Variants in MAF observed in about 807,000 individuals in gnomAD.
MAF encodes transcription factor Maf.
In MAF, 10 loss-of-function variants were observed where a neutral mutation model predicts 22.0. That is an observed-to-expected ratio of 0.45 (90% CI 0.28 to 0.77). The LOEUF is 0.77. Ranked by LOEUF, MAF falls within the 30% of genes least tolerant of loss-of-function variation. The probability of loss-of-function intolerance (pLI) is 0.12; values close to 1 mark genes in which losing one functional copy is unlikely to be tolerated. For synonymous variants in MAF, 337 were observed against 255.8 expected, an observed-to-expected ratio of 1.32 and a Z score of -3.03; for missense variants, 544 against 548.4, an observed-to-expected ratio of 0.99 and a Z score of 0.08.
At chr16:79,249,217 C>T in the MAF span, among the ~76,000 whole-genome samples, 13 of 152,012 alleles carry the variant, frequency 8.6e-5, no homozygotes, top group Non-Finnish European at 1.3e-4. Context: ...GTCGGGAGTT[C>T]GAGACCAGCC....
At chr16:79,341,083 A>C in the MAF span, among the ~76,000 whole-genome samples, 1 of 152,208 alleles carries the variant, frequency 6.6e-6, no homozygotes, top group Non-Finnish European at 1.5e-5. Context: ...GGAAGCAGGA[A>C]GAACCAGGTG....
At chr16:79,450,575 T>A in the MAF span, among the ~76,000 whole-genome samples, 5 of 152,260 alleles carry the variant, frequency 3.3e-5, no homozygotes, top group South Asian at 1.0e-3. Flanking sequence ...CAAGAAGATA[T>A]TGTATTGTGA....
chr16:79,429,930 G>C, the MAF span, among the ~76,000 whole-genome samples: 254 of 152,250 alleles, frequency 1.7e-3, 3 homozygotes, highest in East Asian at 0.033. Flanking sequence ...GAGGGCTACC[G>C]GGTGGAGCAA....
chr16:79,237,888 G>C, the MAF span, among the ~76,000 whole-genome samples: 2 of 152,080 alleles, frequency 1.3e-5, no homozygotes, highest in African/African-American at 4.8e-5. Flanking sequence ...CCCTGGTCTA[G>C]CCAGATGCAC....
chr16:79,265,794 T>A, the MAF span, among the ~76,000 whole-genome samples: 1 of 152,178 alleles, frequency 6.6e-6, no homozygotes, highest in Admixed American at 6.5e-5. Context: ...CTTTGGCATA[T>A]CTGATTGCCA....
At chr16:79,373,827 C>T in the MAF span, among the ~76,000 whole-genome samples, 2 of 152,164 alleles carry the variant, frequency 1.3e-5, no homozygotes, top group African/African-American at 4.8e-5. Context: ...GACTTCTCAG[C>T]CTTCATAACT....
At chr16:79,496,130 T>C in the MAF span, among the ~76,000 whole-genome samples, 1 of 152,146 alleles carries the variant, frequency 6.6e-6, no homozygotes, top group Non-Finnish European at 1.5e-5. Context: ...ATAAAAATGT[T>C]GCTATTTTAA....
chr16:79,354,389 ATG>A, the MAF span, among the ~76,000 whole-genome samples: 1 of 151,066 alleles, frequency 6.6e-6, no homozygotes, highest in African/African-American at 2.4e-5. Flanking sequence ...AGTTCCTGGA[ATG>A]TGTCTGCAAT....
chr16:79,338,394 GA>G, the MAF span, among the ~76,000 whole-genome samples: 1 of 152,138 alleles, frequency 6.6e-6, no homozygotes, highest in African/African-American at 2.4e-5. Flanking sequence ...GACAGTATCA[GA>G]TTTGCTTTTT....
the MAF span, among the ~76,000 whole-genome samples, chr16:79,567,722 T>A: frequency 1.3e-5 from 2 of 152,222 alleles, no homozygotes; most frequent in African/African-American, 4.8e-5. Context: ...AGCTCAGTGA[T>A]CTGCATTTCC....
the MAF span, among the ~76,000 whole-genome samples, chr16:79,490,535 A>G: frequency 6.6e-6 from 1 of 152,330 alleles, no homozygotes; most frequent in South Asian, 2.1e-4. Context: ...AAAGAGACAG[A>G]TCTATATGCA....
chr16:79,581,758 G>C (rs1037362630), downstream of MAF, among the ~76,000 whole-genome samples: 4 of 152,190 alleles, frequency 2.6e-5, no homozygotes, highest in African/African-American at 9.7e-5. Context: ...TTTTTGGACT[G>C]TCAGGCTCAC....
the MAF span, among the ~76,000 whole-genome samples, chr16:79,252,205 A>C: frequency 2.6e-5 from 4 of 152,268 alleles, no homozygotes; most frequent in African/African-American, 7.2e-5. Context: ...CCATGTCGCA[A>C]CTACTTAATT....
At chr16:79,273,521 T>C in the MAF span, among the ~76,000 whole-genome samples, 1 of 152,228 alleles carries the variant, frequency 6.6e-6, no homozygotes, top group African/African-American at 2.4e-5. Context: ...AATCAAGGTG[T>C]CTGCCAGGCT....
chr16:79,412,118 T>A, the MAF span, among the ~76,000 whole-genome samples: 1 of 152,226 alleles, frequency 6.6e-6, no homozygotes, highest in Non-Finnish European at 1.5e-5. Flanking sequence ...CTCAGATGAA[T>A]GAGCCAGGCC....
the MAF span, among the ~76,000 whole-genome samples, chr16:79,550,196 G>A: frequency 1.3e-5 from 2 of 152,118 alleles, 1 homozygote; most frequent in East Asian, 3.9e-4. Context: ...ATGAATGGGT[G>A]ACCATTTACC....
the MAF span, among the ~76,000 whole-genome samples, chr16:79,425,410 TA>T: frequency 6.6e-6 from 1 of 152,176 alleles, no homozygotes; most frequent in African/African-American, 2.4e-5. Flanking sequence ...TCCGCAGAGA[TA>T]AAAGGCACAA....
chr16:79,588,248 C>A (rs1912976986), intron 1 of MAF, among the ~76,000 whole-genome samples: 1 of 152,172 alleles, frequency 6.6e-6, no homozygotes, highest in Non-Finnish European at 1.5e-5. Context: ...CTCCACACTG[C>A]TCCGAGTCAC....
chr16:79,238,872 C>A, the MAF span, among the ~76,000 whole-genome samples: 5 of 151,984 alleles, frequency 3.3e-5, no homozygotes, highest in African/African-American at 1.2e-4. Flanking sequence ...ACTTCCTGAA[C>A]TTGACCCCAG....
Sources: gnomAD v4.1 joint callset for allele counts (sites outside exome capture counted in the v4.1 genomes callset) on GRCh38, gnomAD v4.1.1 for gene constraint, MANE v1.5 for transcripts, NCBI Gene and HGNC (gene_info 2026-07-23, HGNC 2026-07-21) for gene names.